Variants in PRKX observed in about 807,000 individuals in gnomAD.
The protein encoded by PRKX is cAMP-dependent protein kinase catalytic subunit PRKX.
A neutral mutation model predicts 22.0 loss-of-function variants in PRKX; 12 were observed. That is an observed-to-expected ratio of 0.54 (90% CI 0.35 to 0.88). The LOEUF (loss-of-function observed/expected upper bound fraction) is 0.88. PRKX is among the 40% of genes least tolerant of loss of function. The probability of loss-of-function intolerance (pLI) is 0.01; values close to 1 mark genes in which losing one functional copy is unlikely to be tolerated. For synonymous variants in PRKX, 134 were observed against 137.7 expected, an observed-to-expected ratio of 0.97 and a Z score of 0.19; for missense variants, 217 against 308.0, an observed-to-expected ratio of 0.70 and a Z score of 2.21.
At chrX:3,624,485 G>A (rs1926620551) in intron 5 of PRKX, among the ~76,000 whole-genome samples, 1 of 110,727 alleles carries the variant, frequency 9.0e-6, no homozygotes, top group Non-Finnish European at 1.9e-5. Context: ...AGAGAAAGAA[G>A]GACAAGTGGC....
intron 1 of PRKX, among the ~76,000 whole-genome samples, chrX:3,689,799 A>C (rs970555292): frequency 9.0e-6 from 1 of 111,479 alleles, no homozygotes; most frequent in Non-Finnish European, 1.9e-5. Context: ...AACACGGTGA[A>C]ACCCTGTCTC....
chrX:3,639,411 GTGCATGGATGGATGAA>G (rs1413930438), intron 4 of PRKX, among the ~76,000 whole-genome samples: 28 of 9,774 alleles, frequency 2.9e-3, no homozygotes, highest in South Asian at 0.021. Flanking sequence ...GGGGGGGTGG[GTGCATGGATGGATGAA>G]GGGGTGGGGG....
chrX:3,698,576 T>G (rs1164760606), intron 1 of PRKX, among the ~76,000 whole-genome samples: 4 of 111,440 alleles, frequency 3.6e-5, no homozygotes, highest in Non-Finnish European at 5.6e-5. Flanking sequence ...TTTTTTGTTT[T>G]TGTGTGTGTG....
intron 8 of PRKX, 68 bp downstream of exon 8, chrX:3,612,109 G>A (rs897961685): frequency 1.3e-5 from 14 of 1,037,129 alleles, no homozygotes; most frequent in Middle Eastern, 3.6e-4. Context: ...CTCAGTAAAC[G>A]CAGCCTCACC....
At chrX:3,652,802 G>T (rs895420492) in intron 3 of PRKX, among the ~76,000 whole-genome samples, 2 of 110,206 alleles carry the variant, frequency 1.8e-5, no homozygotes, top group Non-Finnish European at 3.8e-5. Flanking sequence ...CACTAGGGTG[G>T]GTCCTGATCC....
chrX:3,618,503 G>T (rs73178142), intron 6 of PRKX, among the ~76,000 whole-genome samples: 3,777 of 110,577 alleles, frequency 0.034, 88 homozygotes, highest in Non-Finnish European at 0.055. Context: ...CAAATAAATG[G>T]TAATTATGTG....
chrX:3,677,632 A>C (rs1182061570), intron 1 of PRKX, among the ~76,000 whole-genome samples: 2 of 112,155 alleles, frequency 1.8e-5, no homozygotes, highest in African/African-American at 6.5e-5. Flanking sequence ...AGTTGTACTT[A>C]AGCTACCAAT....
chrX:3,711,291 T>C (rs1376529034), intron 1 of PRKX, among the ~76,000 whole-genome samples: 1 of 110,281 alleles, frequency 9.1e-6, no homozygotes, highest in Non-Finnish European at 1.9e-5. Flanking sequence ...CTCATCCTCA[T>C]TAAGAGAGCA....
chrX:3,689,863 G>A (rs920290894), intron 1 of PRKX, among the ~76,000 whole-genome samples: 2 of 111,080 alleles, frequency 1.8e-5, no homozygotes, highest in Non-Finnish European at 3.8e-5. Context: ...TGTAGTCCCA[G>A]CTACTCAGGA....
At chrX:3,684,011 G>A (rs967230389) in intron 1 of PRKX, among the ~76,000 whole-genome samples, 42 of 111,642 alleles carry the variant, frequency 3.8e-4, no homozygotes, top group African/African-American at 1.2e-3. Flanking sequence ...CCAGCACTTC[G>A]GGAGGCCAAG....
intron 1 of PRKX, among the ~76,000 whole-genome samples, chrX:3,702,240 A>C (rs763684182): frequency 2.7e-5 from 3 of 112,474 alleles, no homozygotes; most frequent in East Asian, 5.6e-4. Flanking sequence ...CTGCCCATCC[A>C]AAGAGATCCC....
At chrX:3,638,443 A>G (rs1926941632) in intron 4 of PRKX, among the ~76,000 whole-genome samples, 1 of 111,935 alleles carries the variant, frequency 8.9e-6, no homozygotes, top group Non-Finnish European at 1.9e-5. Context: ...ACAGGATACA[A>G]CGATCCTCAG....
At chrX:3,661,565 C>T (rs1927596127) in intron 2 of PRKX, among the ~76,000 whole-genome samples, 1 of 107,370 alleles carries the variant, frequency 9.3e-6, no homozygotes, top group Non-Finnish European at 1.9e-5. Context: ...CTCTGCACTC[C>T]AGCCTCAGTG....
In PRKX at chrX:3,694,077, G is replaced by C. The variant is rs1413842308; in HGVS notation, c.166+19011C>G. Reference sequence around the variant, plus strand: ...GGGTGTCCTTCTAAGAGACAGAAGAGGAAAAAAGAGTAATAATAAAAAATG... The same window carrying C: ...GGGTGTCCTTCTAAGAGACAGAAGACGAAAAAAGAGTAATAATAAAAAATG... On this transcript the variant is annotated intron_variant, in intron 1 of 8. Coordinates refer to ENST00000262848, the MANE Select transcript of PRKX (RefSeq NM_005044.5). Among the ~76,000 whole-genome samples the C allele has an allele frequency of 6.4e-5, 7 of 109,781 alleles. No homozygotes were observed. The East Asian group carries it at 1.7e-3, about 27-fold the overall frequency.
At chrX:3,689,797 G>GA (rs2146604149) in intron 1 of PRKX, among the ~76,000 whole-genome samples, 1 of 111,618 alleles carries the variant, frequency 9.0e-6, no homozygotes, top group South Asian at 3.7e-4. Context: ...CTAACACGGT[G>GA]AAACCCTGTC....
At chrX:3,710,003 G>A (rs1231354244) in intron 1 of PRKX, among the ~76,000 whole-genome samples, 1 of 108,457 alleles carries the variant, frequency 9.2e-6, no homozygotes, top group Non-Finnish European at 1.9e-5. Flanking sequence ...GCCCAGGCTG[G>A]TCTGGAACTC....
chrX:3,612,562 G>A (rs58826355), intron 7 of PRKX, among the ~76,000 whole-genome samples: 2 of 111,236 alleles, frequency 1.8e-5, no homozygotes, highest in Admixed American at 1.9e-4. Flanking sequence ...TGAGGCGGGA[G>A]GGTTGCTTGA....
At chrX:3,704,073 C>T (rs1396757232) in intron 1 of PRKX, among the ~76,000 whole-genome samples, 1 of 111,862 alleles carries the variant, frequency 8.9e-6, no homozygotes, top group Non-Finnish European at 1.9e-5. Flanking sequence ...GTCCATCATC[C>T]TGTCTCACCC....
intron 1 of PRKX, among the ~76,000 whole-genome samples, chrX:3,690,017 T>C (rs1374936174): frequency 9.0e-6 from 1 of 111,557 alleles, no homozygotes; most frequent in African/African-American, 3.3e-5. Context: ...GCTTACTCTG[T>C]GAATAAACTG....
Sources: allele counts gnomAD v4.1 joint callset (sites outside exome capture counted in the v4.1 genomes callset), GRCh38; gene constraint gnomAD v4.1.1; transcripts MANE v1.5; gene names NCBI Gene and HGNC (gene_info 2026-07-23, HGNC 2026-07-21).